CDH12: variants seen among roughly 807,000 people sequenced by gnomAD.
CDH12 encodes the protein cadherin 12, also known as cadherin-12.
In CDH12, 41 loss-of-function variants were observed where a neutral mutation model predicts 74.1. That is an observed-to-expected ratio of 0.55 (90% CI 0.43 to 0.72). The LOEUF is 0.72. Ranked by LOEUF, CDH12 falls within the 30% of genes least tolerant of loss-of-function variation. The probability of loss-of-function intolerance (pLI) is 0.00; values close to 1 mark genes in which losing one functional copy is unlikely to be tolerated. For missense variants in CDH12, 945 were observed against 977.2 expected (o/e 0.97, Z 0.44); for synonymous variants, 399 against 355.0 (o/e 1.12, Z -1.39).
intron 1 of CDH12, among the ~76,000 whole-genome samples, chr5:22,643,374 T>G (rs183116690): frequency 6.6e-6 from 1 of 152,326 alleles, no homozygotes; most frequent in Admixed American, 6.5e-5. Context: ...AAAGAAAGTT[T>G]CTGTTTGCTT....
intron 5 of CDH12, among the ~76,000 whole-genome samples, chr5:22,031,688 G>A (rs1738836682): frequency 6.6e-6 from 1 of 152,124 alleles, no homozygotes; most frequent in Non-Finnish European, 1.5e-5. Context: ...CAATATTGTT[G>A]TGTTTCAAGA....
chr5:22,196,000 T>C (rs1036969221), intron 4 of CDH12, among the ~76,000 whole-genome samples: 1 of 152,166 alleles, frequency 6.6e-6, no homozygotes, highest in Non-Finnish European at 1.5e-5. Context: ...TTTACATAGA[T>C]TTAAATAAGA....
chr5:22,426,915 CT>C (rs1416883715), intron 2 of CDH12, among the ~76,000 whole-genome samples: 3 of 152,050 alleles, frequency 2.0e-5, no homozygotes, highest in African/African-American at 7.2e-5. Context: ...TTTTCTTTTT[CT>C]CATTCTTCCC....
chr5:22,818,150 T>C (rs1749484926), intron 1 of CDH12, among the ~76,000 whole-genome samples: 1 of 152,076 alleles, frequency 6.6e-6, no homozygotes, highest in Admixed American at 6.6e-5. Flanking sequence ...CTGTCCAACA[T>C]GGTTGATTTT....
chr5:22,752,373 A>G (rs1183940876), intron 1 of CDH12, among the ~76,000 whole-genome samples: 1 of 151,674 alleles, frequency 6.6e-6, no homozygotes, highest in Non-Finnish European at 1.5e-5. Context: ...TGGAAGCTAT[A>G]CTAACAATGA....
chr5:21,774,716 C>T (rs1390250835), intron 11 of CDH12, among the ~76,000 whole-genome samples: 1 of 152,068 alleles, frequency 6.6e-6, no homozygotes, highest in Non-Finnish European at 1.5e-5. Flanking sequence ...AATAAACTAC[C>T]TACACTCATG....
At chr5:22,668,102 T>C (rs1255849431) in intron 1 of CDH12, among the ~76,000 whole-genome samples, 1 of 152,218 alleles carries the variant, frequency 6.6e-6, no homozygotes, top group Non-Finnish European at 1.5e-5. Flanking sequence ...TTTCCCTCTG[T>C]ATTCCTCATT....
intron 4 of CDH12, among the ~76,000 whole-genome samples, chr5:22,117,522 T>TAA (rs71583175): frequency 1.2e-4 from 11 of 88,098 alleles, no homozygotes; most frequent in African/African-American, 5.4e-4. Context: ...AATATATATA[T>TAA]AATATATATA....
intron 8 of CDH12, among the ~76,000 whole-genome samples, chr5:21,832,310 A>G (rs571654190): frequency 2.8e-4 from 43 of 152,236 alleles, no homozygotes; most frequent in African/African-American, 9.4e-4. Flanking sequence ...GCAAATGACA[A>G]TGTGATATTA....
chr5:22,743,260 T>TTATATA (rs71609778), intron 1 of CDH12, among the ~76,000 whole-genome samples: 3,505 of 90,366 alleles, frequency 0.039, 158 homozygotes, highest in East Asian at 0.16. Context: ...AGCATGGAGA[T>TTATATA]TATATATATA....
At chr5:22,730,403 T>C (rs1744374229) in intron 1 of CDH12, among the ~76,000 whole-genome samples, 1 of 151,820 alleles carries the variant, frequency 6.6e-6, no homozygotes, top group African/African-American at 2.4e-5. Context: ...ATAAAAATAC[T>C]TTCAAAAAAT....
At chr5:22,681,059 T>A (rs1741458772) in intron 1 of CDH12, among the ~76,000 whole-genome samples, 1 of 152,066 alleles carries the variant, frequency 6.6e-6, no homozygotes, top group South Asian at 2.1e-4. Context: ...AGAAGGTATC[T>A]AAGAAGTCTA....
intron 1 of CDH12, among the ~76,000 whole-genome samples, chr5:22,546,517 C>A (rs1179350209): frequency 6.6e-6 from 1 of 152,100 alleles, no homozygotes; most frequent in East Asian, 1.9e-4. Flanking sequence ...TAGGCAATCC[C>A]CTCTCTGTAA....
At chr5:21,910,304 C>T (rs1328156483) in intron 6 of CDH12, among the ~76,000 whole-genome samples, 2 of 152,142 alleles carry the variant, frequency 1.3e-5, no homozygotes, top group Non-Finnish European at 2.9e-5. Flanking sequence ...GCATCAAGAA[C>T]ATCAAATTCA....
At chr5:22,427,132 A>C (rs1432340073) in intron 2 of CDH12, among the ~76,000 whole-genome samples, 2 of 152,054 alleles carry the variant, frequency 1.3e-5, no homozygotes, top group Non-Finnish European at 2.9e-5. Context: ...AGTCACTATC[A>C]ATTATTTGTA....
chr5:21,972,544 T>C (rs1381174796), intron 6 of CDH12, among the ~76,000 whole-genome samples: 2 of 152,140 alleles, frequency 1.3e-5, no homozygotes, highest in African/African-American at 2.4e-5. Context: ...TATTTCCACC[T>C]GGTAAGAAGG....
At chr5:21,844,771 AAAC>A (rs1310045772) in intron 7 of CDH12, among the ~76,000 whole-genome samples, 2 of 152,172 alleles carry the variant, frequency 1.3e-5, no homozygotes, top group African/African-American at 4.8e-5. Context: ...AACCAGAAAA[AAAC>A]AATTCCACAA....
In CDH12 at chr5:22,270,343, T is replaced by C. The variant is rs535962459; in HGVS notation, c.-332-57700A>G. ...GGACACAGTGGCTCACGGCTGTAAT[T>C]CCAGCCCTTTGGGAGGCTGAGGTGG... On this transcript the variant is annotated intron_variant, in intron 3 of 14. Coordinates refer to ENST00000382254, the MANE Select transcript of CDH12 (RefSeq NM_004061.5). 8.0e-4 allele frequency among the ~76,000 whole-genome samples: 122 copies of C among 152,172 alleles called. 2 individuals are homozygous for C. The highest frequency in any genetic ancestry group is 2.7e-3 in the African/African-American group (114 of 41,550).
At chr5:21,907,133 T>C (rs1753677171) in intron 6 of CDH12, among the ~76,000 whole-genome samples, 1 of 152,144 alleles carries the variant, frequency 6.6e-6, no homozygotes, top group Non-Finnish European at 1.5e-5. Flanking sequence ...TCCAGCAACA[T>C]CCCCGCATGC....
Sources: allele counts gnomAD v4.1 joint callset (sites outside exome capture counted in the v4.1 genomes callset), GRCh38; gene constraint gnomAD v4.1.1; transcripts MANE v1.5; gene names NCBI Gene and HGNC (gene_info 2026-07-23, HGNC 2026-07-21).